The following ADARB2 variants were observed in gnomAD, a reference collection of about 807,000 sequenced individuals.
The protein encoded by ADARB2 is adenosine deaminase RNA specific B2 (inactive), also known as inactive double-stranded RNA-specific editase B2.
A neutral mutation model predicts 62.2 loss-of-function variants in ADARB2; 25 were observed. The ratio of observed to expected loss-of-function variants is 0.40; its 90% CI spans 0.29 to 0.56. The LOEUF is 0.56. Among genes scored for constraint, ADARB2 ranks in the 20% least tolerant of loss-of-function variants. The pLI is 0.43. For synonymous variants in ADARB2, 572 were observed against 500.8 expected, an observed-to-expected ratio of 1.14 and a Z score of -1.90; for missense variants, 1,071 against 1,077.4, an observed-to-expected ratio of 0.99 and a Z score of 0.08.
chr10:1,519,089 C>T (rs761578447), intron 1 of ADARB2, among the ~76,000 whole-genome samples: 8 of 149,826 alleles, frequency 5.3e-5, no homozygotes, highest in Non-Finnish European at 1.0e-4. Flanking sequence ...TTCCATGTAA[C>T]GTCTGTACAC....
At chr10:1,419,412 T>C (rs890467216) in intron 1 of ADARB2, among the ~76,000 whole-genome samples, 1 of 152,218 alleles carries the variant, frequency 6.6e-6, no homozygotes, top group Non-Finnish European at 1.5e-5. Context: ...ATTTAATGTA[T>C]GGACAGTGGA....
chr10:1,432,205 T>C (rs1257321933), intron 1 of ADARB2, among the ~76,000 whole-genome samples: 1 of 152,142 alleles, frequency 6.6e-6, no homozygotes, highest in Non-Finnish European at 1.5e-5. Context: ...ACTGAATGAA[T>C]GAATGAATGA....
intron 1 of ADARB2, among the ~76,000 whole-genome samples, chr10:1,629,985 G>A (rs968150806): frequency 1.3e-5 from 2 of 151,916 alleles, no homozygotes; most frequent in African/African-American, 4.8e-5. Flanking sequence ...ACCATCTGCC[G>A]AGCCCTTGCT....
At chr10:1,513,913 C>G (rs1284564662) in intron 1 of ADARB2, among the ~76,000 whole-genome samples, 1 of 151,914 alleles carries the variant, frequency 6.6e-6, no homozygotes, top group African/African-American at 2.4e-5. Flanking sequence ...CTAAATGAAG[C>G]TGTGTATAAA....
chr10:1,649,985 G>T lies in ADARB2; in HGVS notation c.100+87066C>A, dbSNP rs991053221. Among the ~76,000 whole-genome samples, 9 of 152,180 alleles carry T rather than the reference G, an allele frequency of 5.9e-5. No homozygotes were observed. In the East Asian group the frequency reaches 7.7e-4, roughly 13 times the overall value. ...CCTGGAGGTCCTGCTTCTGTCACTG[G>T]CTGGGCTGCGTATCATACCTTTTCA... On this transcript the variant is annotated intron_variant, in intron 1 of 9. Coordinates refer to ENST00000381312, the MANE Select transcript of ADARB2 (RefSeq NM_018702.4).
In ADARB2 at chr10:1,712,524, G is replaced by A. The variant is rs371559788; in HGVS notation, c.100+24527C>T. Among the ~76,000 whole-genome samples the A allele has an allele frequency of 2.2e-4, 34 of 152,088 alleles. 1 individual carries two copies. In the South Asian group the frequency reaches 6.2e-3, roughly 28 times the overall value. On this transcript the variant is annotated intron_variant, in intron 1 of 9. Transcript: ENST00000381312. ...GTGTGTTCTCAAAGCTGGACTGGCT[G>A]TGGTCTGTGGGAAGCAACCCGGGAG... is the stretch of plus-strand genomic sequence containing the variant.
intron 1 of ADARB2, among the ~76,000 whole-genome samples, chr10:1,602,860 C>T (rs1190466080): frequency 6.6e-6 from 1 of 151,944 alleles, no homozygotes; most frequent in East Asian, 1.9e-4. Flanking sequence ...TCTACATACA[C>T]ACATACACAT....
intron 8 of ADARB2, chr10:1,187,800 C>T (rs904802848): frequency 3.5e-5 from 14 of 404,172 alleles, no homozygotes; most frequent in Admixed American, 7.7e-5. Flanking sequence ...GAGGCGCTGG[C>T]GGGTGGGCTG....
intron 6 of ADARB2, among the ~76,000 whole-genome samples, chr10:1,218,696 C>G (rs573493881): frequency 1.3e-5 from 2 of 152,228 alleles, no homozygotes; most frequent in Admixed American, 1.3e-4. Flanking sequence ...CTACCGTCCC[C>G]TTGGTGCTGT....
At chr10:1,633,677 C>A (rs1369318516) in intron 1 of ADARB2, among the ~76,000 whole-genome samples, 1 of 151,990 alleles carries the variant, frequency 6.6e-6, no homozygotes, top group Non-Finnish European at 1.5e-5. Flanking sequence ...AGAACCCTGG[C>A]TAGTGCACAC....
At chr10:1,625,079 C>A (rs544583943) in intron 1 of ADARB2, among the ~76,000 whole-genome samples, 1 of 152,306 alleles carries the variant, frequency 6.6e-6, no homozygotes, top group East Asian at 1.9e-4. Flanking sequence ...GTGAATTTAT[C>A]TGCATCTGTT....
At chr10:1,393,580 ACATT>A (rs1421513371) in intron 1 of ADARB2, among the ~76,000 whole-genome samples, 1 of 152,194 alleles carries the variant, frequency 6.6e-6, no homozygotes, top group Non-Finnish European at 1.5e-5. Flanking sequence ...GGGCACTGGG[ACATT>A]CCTGTGTCAA....
chr10:1,189,698 C>G (rs556879137), intron 8 of ADARB2, among the ~76,000 whole-genome samples: 2 of 152,034 alleles, frequency 1.3e-5, no homozygotes, highest in East Asian at 1.9e-4. Flanking sequence ...CAGCACATAC[C>G]TGGTGACCCA....
At chr10:1,392,934 A>C (rs1832582772) in intron 1 of ADARB2, among the ~76,000 whole-genome samples, 1 of 152,118 alleles carries the variant, frequency 6.6e-6, no homozygotes, top group Non-Finnish European at 1.5e-5. Flanking sequence ...GAGTTTCTTT[A>C]AAGAGGTAAT....
At chr10:1,262,057 CCG>C (rs1831142937) in intron 4 of ADARB2, among the ~76,000 whole-genome samples, 4 of 145,364 alleles carry the variant, frequency 2.8e-5, no homozygotes, top group Non-Finnish European at 4.4e-5. Context: ...CAACCAAACA[CCG>C]CATATTCTCA....
chr10:1,370,675 ACAAAT>A (rs1240528895), intron 2 of ADARB2, among the ~76,000 whole-genome samples: 1 of 152,224 alleles, frequency 6.6e-6, no homozygotes, highest in Non-Finnish European at 1.5e-5. Context: ...AAGCTGAGAA[ACAAAT>A]CAAGAACTCA....
intron 1 of ADARB2, among the ~76,000 whole-genome samples, chr10:1,642,100 G>T (rs1046462012): frequency 6.6e-6 from 1 of 151,902 alleles, no homozygotes; most frequent in African/African-American, 2.4e-5. Context: ...TTATTTTTTA[G>T]ACCAAAAAGT....
intron 1 of ADARB2, among the ~76,000 whole-genome samples, chr10:1,638,196 C>T (rs1241654506): frequency 1.3e-5 from 2 of 152,102 alleles, no homozygotes; most frequent in African/African-American, 4.8e-5. Flanking sequence ...AGATGGAGGA[C>T]AGATGCAGAT....
intron 7 of ADARB2, among the ~76,000 whole-genome samples, chr10:1,206,121 C>G (rs1837058540): frequency 6.6e-6 from 1 of 152,228 alleles, no homozygotes; most frequent in Admixed American, 6.5e-5. Flanking sequence ...TCTGAAAAAC[C>G]CGTCTCAAAA....
Sources: gnomAD v4.1 joint callset for allele counts (sites outside exome capture counted in the v4.1 genomes callset) on GRCh38, gnomAD v4.1.1 for gene constraint, MANE v1.5 for transcripts, NCBI Gene and HGNC (gene_info 2026-07-23, HGNC 2026-07-21) for gene names.